NPAS3: variants seen among roughly 807,000 people sequenced by gnomAD.
NPAS3 encodes the protein neuronal PAS domain-containing protein 3.
Under a neutral mutation model 73.1 loss-of-function variants are expected in NPAS3, and 14 were observed. The observed-to-expected ratio is 0.19, with a 90% CI of 0.13 to 0.30. The LOEUF (loss-of-function observed/expected upper bound fraction) is 0.30. Ranked by LOEUF, NPAS3 falls within the 10% of genes least tolerant of loss-of-function variation. The pLI is 1.00. For missense variants in NPAS3, 1,096 were observed against 1,250.0 expected, an observed-to-expected ratio of 0.88 and a Z score of 1.86; for synonymous variants, 620 against 541.5, an observed-to-expected ratio of 1.14 and a Z score of -2.01.
intron 5 of NPAS3, among the ~76,000 whole-genome samples, chr14:33,640,192 TG>T (rs1283452560): frequency 7.1e-6 from 1 of 141,724 alleles, no homozygotes; most frequent in Non-Finnish European, 1.5e-5. Context: ...GACCCCCTGT[TG>T]AAAAAAAAAA....
At chr14:32,980,029 G>A (rs952166202) in intron 1 of NPAS3, among the ~76,000 whole-genome samples, 1 of 152,176 alleles carries the variant, frequency 6.6e-6, no homozygotes, top group Non-Finnish European at 1.5e-5. Context: ...GACTTCCTAT[G>A]AGTGTTAAAA....
intron 1 of NPAS3, among the ~76,000 whole-genome samples, chr14:32,947,230 A>T (rs1212081778): frequency 6.6e-6 from 1 of 152,114 alleles, no homozygotes; most frequent in Admixed American, 6.6e-5. Context: ...CAAATCTCTG[A>T]TTTTTCCTTT....
intron 4 of NPAS3, among the ~76,000 whole-genome samples, chr14:33,464,902 G>C (rs1481291258): frequency 6.6e-6 from 1 of 152,116 alleles, no homozygotes; most frequent in Non-Finnish European, 1.5e-5. Context: ...AAGGGGCCTG[G>C]CACACAGTAA....
intron 1 of NPAS3, among the ~76,000 whole-genome samples, chr14:32,970,181 G>A (rs115774226): frequency 0.011 from 1,611 of 152,116 alleles, 34 homozygotes; most frequent in African/African-American, 0.035. Flanking sequence ...ACTTAATTTC[G>A]ATTCTTTTCT....
intron 5 of NPAS3, among the ~76,000 whole-genome samples, chr14:33,565,559 G>A (rs965723101): frequency 3.9e-5 from 6 of 152,028 alleles, no homozygotes; most frequent in Admixed American, 6.6e-5. Flanking sequence ...GTTGAGGTTA[G>A]TATGTGGCTA....
At chr14:33,363,451 A>G (rs1242442374) in intron 3 of NPAS3, among the ~76,000 whole-genome samples, 1 of 152,170 alleles carries the variant, frequency 6.6e-6, no homozygotes, top group Non-Finnish European at 1.5e-5. Context: ...AGTCTTAGTG[A>G]TTCATCGGAT....
At chr14:33,008,723 G>T (rs2039084934) in intron 1 of NPAS3, among the ~76,000 whole-genome samples, 1 of 152,168 alleles carries the variant, frequency 6.6e-6, no homozygotes, top group African/African-American at 2.4e-5. Context: ...ACCTCCCATA[G>T]AATGGGCATG....
At chr14:32,984,326 C>T (rs1221603990) in intron 1 of NPAS3, among the ~76,000 whole-genome samples, 1 of 152,130 alleles carries the variant, frequency 6.6e-6, no homozygotes, top group Admixed American at 6.5e-5. Flanking sequence ...GAGCAATGTG[C>T]TTATATAAAT....
intron 4 of NPAS3, among the ~76,000 whole-genome samples, chr14:33,534,196 A>G (rs1281639526): frequency 2.1e-5 from 3 of 145,412 alleles, no homozygotes; most frequent in African/African-American, 7.8e-5. Flanking sequence ...TATGTGTGGT[A>G]CTTACTATTT....
At chr14:33,660,708 G>A (rs1010151485) in intron 5 of NPAS3, among the ~76,000 whole-genome samples, 10 of 152,224 alleles carry the variant, frequency 6.6e-5, no homozygotes, top group African/African-American at 1.4e-4. Context: ...AGTAATTAAC[G>A]TTTATCTTAA....
chr14:33,078,542 A>C (rs72676759), intron 2 of NPAS3, among the ~76,000 whole-genome samples: 335 of 142,266 alleles, frequency 2.4e-3, no homozygotes, highest in Middle Eastern at 0.011. Context: ...CAAAAAAAAA[A>C]AAACAAACAA....
chr14:33,711,310 C>T (rs1017791342), intron 6 of NPAS3, among the ~76,000 whole-genome samples: 1 of 152,144 alleles, frequency 6.6e-6, no homozygotes, highest in Non-Finnish European at 1.5e-5. Context: ...GTAACAATAA[C>T]TGAACTGGCG....
intron 4 of NPAS3, among the ~76,000 whole-genome samples, chr14:33,396,747 A>G (rs931729482): frequency 1.3e-5 from 2 of 152,146 alleles, no homozygotes; most frequent in Non-Finnish European, 2.9e-5. Flanking sequence ...TGAACTTAAT[A>G]CCTTATATTC....
intron 2 of NPAS3, among the ~76,000 whole-genome samples, chr14:33,171,636 A>C (rs971599403): frequency 2.0e-5 from 3 of 152,298 alleles, no homozygotes; most frequent in African/African-American, 7.2e-5. Flanking sequence ...GGCTGGTTTC[A>C]TCTTCTGTCA....
intron 3 of NPAS3, among the ~76,000 whole-genome samples, chr14:33,266,162 A>T (rs1009827530): frequency 6.6e-5 from 10 of 152,144 alleles, no homozygotes; most frequent in Admixed American, 2.0e-4. Flanking sequence ...TTTTAACTTA[A>T]TCTGAAATTA....
Position 33,066,403 on chromosome 14 carries a change from G to T in NPAS3, c.140+10409G>T, listed in dbSNP as rs562376728. On this transcript the variant is annotated intron_variant, in intron 2 of 11. Transcript: ENST00000356141. ...TCTGAATGCTGCTTGCCCAGAGGTA[G>T]TAACAATTTATATGATGCTTGTAGG... Among the ~76,000 whole-genome samples the T allele has an allele frequency of 3.9e-5, 6 of 152,264 alleles. No homozygotes were observed. The South Asian group carries it at 1.2e-3, about 32-fold the overall frequency.
At chr14:33,368,054 A>G (rs951782389) in intron 4 of NPAS3, among the ~76,000 whole-genome samples, 2 of 152,004 alleles carry the variant, frequency 1.3e-5, no homozygotes, top group Non-Finnish European at 2.9e-5. Flanking sequence ...TGGAAGATAC[A>G]CCTTTTTACA....
chr14:33,049,858 A>T (rs1445295893), intron 1 of NPAS3, among the ~76,000 whole-genome samples: 1 of 152,250 alleles, frequency 6.6e-6, no homozygotes, highest in African/African-American at 2.4e-5. Context: ...AATAGAAAGC[A>T]GGACCCATCT....
intron 4 of NPAS3, among the ~76,000 whole-genome samples, chr14:33,439,868 C>A (rs531652265): frequency 6.6e-6 from 1 of 152,264 alleles, no homozygotes; most frequent in South Asian, 2.1e-4. Context: ...GTAATCCCAG[C>A]ACTTTGGGAG....
Sources: gnomAD v4.1 joint callset for allele counts (sites outside exome capture counted in the v4.1 genomes callset) on GRCh38, gnomAD v4.1.1 for gene constraint, MANE v1.5 for transcripts, NCBI Gene and HGNC (gene_info 2026-07-23, HGNC 2026-07-21) for gene names.